Variants in SART3 observed in about 807,000 individuals in gnomAD.
SART3 encodes spliceosome associated factor 3, U4/U6 recycling protein, also known as HIV-1 Tat-interacting protein of 110kDa.
Under a neutral mutation model 122.3 loss-of-function variants are expected in SART3, and 44 were observed. The observed-to-expected ratio is 0.36, with a 90% CI of 0.28 to 0.46. The LOEUF is 0.46. Among genes scored for constraint, SART3 ranks in the 20% least tolerant of loss-of-function variants. The pLI is 1.00. For synonymous variants in SART3, 442 were observed against 454.0 expected, an observed-to-expected ratio of 0.97 and a Z score of 0.34; for missense variants, 1,101 against 1,229.0, an observed-to-expected ratio of 0.90 and a Z score of 1.56.
intron 5 of SART3, 28 bp downstream of exon 5, chr12:108,544,395 GGGCT>G (rs1228303614): frequency 6.3e-7 from 1 of 1,579,398 alleles, no homozygotes; most frequent in Non-Finnish European, 8.7e-7. Context: ...AAACCATAGA[GGGCT>G]GGCTGTTGAC....
At chr12:108,524,749 C>T in intron 17 of SART3, 1 of 580,464 alleles carries the variant, frequency 1.7e-6, no homozygotes, top group Non-Finnish European at 3.1e-6. Context: ...AAGTTCAGCA[C>T]ACCTTGTACG....
intron 1 of SART3, among the ~76,000 whole-genome samples, chr12:108,553,547 A>G (rs916518813): frequency 6.6e-6 from 1 of 152,200 alleles, no homozygotes; most frequent in Non-Finnish European, 1.5e-5. Context: ...CATTTTAGGA[A>G]TATTTCCCTC....
At chr12:108,555,152 T>C (rs2030163920) in intron 1 of SART3, among the ~76,000 whole-genome samples, 2 of 152,210 alleles carry the variant, frequency 1.3e-5, no homozygotes, top group African/African-American at 4.8e-5. Flanking sequence ...GTGACTATAC[T>C]TAACACTACT....
chr12:108,537,558 C>G lies in SART3; in HGVS notation c.1239G>C (p.Gln413His). The part of the protein sequence containing the change: ...FEKALNAGFI[Q>H]ATDYVEIWQA... ...GCCAAATCTCCACATAATCAGTGGC[C>G]TGGATGAAGCCGGCATTCAAAGCTT... The change falls in exon 9 of 19, where the codon CAG becomes CAC. Residue 413 changes from glutamine to histidine, a missense_variant. Transcript: ENST00000546815. 2 of 1,614,098 alleles carry G rather than the reference C, an allele frequency of 1.2e-6. No individual in the cohort carries two copies. Among genetic ancestry groups the G allele is most frequent in the Non-Finnish European group, 1.7e-6 (2 of 1,179,964 alleles).
Position 108,545,300 on chromosome 12 carries a change from C to G in SART3, c.568G>C (p.Gly190Arg), listed in dbSNP as rs1274831598. 1.2e-6 allele frequency: 2 copies of G among 1,614,034 alleles called. No individual in the cohort carries two copies. The highest frequency in any genetic ancestry group is 1.3e-5 in the African/African-American group (1 of 74,912). Residue 190 changes from glycine to arginine, a missense_variant, in exon 4 of 19, where the codon GGC becomes CGC. Gly to Arg is a moderately radical substitution (Grantham distance 125). Transcript: ENST00000546815. Reference protein sequence around the residue: ...YICPNIWLEYGQYSVGGIGQK... With the variant: ...YICPNIWLEYRQYSVGGIGQK... ...CCAATCCCACCAACTGAGTACTGGCCATACTCTAGCCAAATGTTAGGACCT... is the reference window on the plus strand; with the variant it reads ...CCAATCCCACCAACTGAGTACTGGCGATACTCTAGCCAAATGTTAGGACCT...
intron 6 of SART3, among the ~76,000 whole-genome samples, chr12:108,539,305 G>A: frequency 6.6e-6 from 1 of 152,158 alleles, no homozygotes; most frequent in East Asian, 1.9e-4. Context: ...CGCTACAAAG[G>A]CTCCATAAAC....
intron 6 of SART3, 35 bp downstream of exon 6, chr12:108,542,993 G>T: frequency 6.2e-7 from 1 of 1,613,880 alleles, no homozygotes. Context: ...AAGGTTTGTA[G>T]AGAGACGTTT....
intron 6 of SART3, among the ~76,000 whole-genome samples, chr12:108,539,886 T>C (rs1187053006): frequency 6.6e-6 from 1 of 152,152 alleles, no homozygotes; most frequent in Non-Finnish European, 1.5e-5. Flanking sequence ...CTAAATTAAA[T>C]ATAATATCTT....
In SART3 at chr12:108,539,003, C is replaced by T; in HGVS notation, c.993G>A (p.Leu331=). Residue 331 remains leucine, a synonymous_variant, in exon 7 of 19, where the codon TTG becomes TTA. Transcript: ENST00000546815. The part of the protein sequence containing the change: ...MKIGDPARIQ[L]IFERALVENC... ...TCTCGACCAGGGCGCGCTCAAAGAT[C>T]AACTGAATGCGAGCAGGATCGCCAA... is the stretch of plus-strand genomic sequence containing the variant. The T allele has an allele frequency of 6.2e-7, 1 of 1,614,208 alleles. No homozygotes were observed. Among genetic ancestry groups the T allele is most frequent in the East Asian group, 2.2e-5 (1 of 44,884 alleles).
At chr12:108,560,502 A>G in intron 1 of SART3, 1 of 398,466 alleles carries the variant, frequency 2.5e-6, no homozygotes, top group Non-Finnish European at 4.4e-6. Context: ...TGTGGTTAAG[A>G]GTGGGAGTTC....
At chr12:108,560,707 G>A (rs954603886) in intron 1 of SART3, 136 bp downstream of exon 1, 9 of 677,526 alleles carry the variant, frequency 1.3e-5, no homozygotes, top group Non-Finnish European at 2.2e-5. Flanking sequence ...AAATCCGACA[G>A]GAGCTACTGT....
chr12:108,531,255 A>C lies in SART3; in HGVS notation c.1695T>G (p.Ala565=), dbSNP rs1257197529. 6.2e-7 allele frequency: 1 copy of C among 1,613,826 alleles called. No individual in the cohort carries two copies. Among genetic ancestry groups the C allele is most frequent in the Non-Finnish European group, 8.5e-7 (1 of 1,179,880 alleles). ...TEGSLEDWDI[A]VQKTETRLAR... ...CTAATCGGGTTTCAGTTTTCTGAACAGCTATATCCCAATCTTCTAAAGAAC... is the reference window on the plus strand; with the variant it reads ...CTAATCGGGTTTCAGTTTTCTGAACCGCTATATCCCAATCTTCTAAAGAAC... Residue 565 remains alanine (A), a synonymous_variant, in exon 14 of 19, where the codon GCT becomes GCG. Coordinates refer to ENST00000546815, the MANE Select transcript of SART3 (RefSeq NM_014706.4).
Position 108,545,242 on chromosome 12 carries a change from A to G in SART3, c.626T>C (p.Val209Ala). Residue 209 changes from valine to alanine, a missense_variant, in exon 4 of 19, where the codon GTG (valine) becomes GCG (alanine). By Grantham distance (64) the Val-to-Ala change is moderately conservative. Transcript: ENST00000546815. ...QKGGLEKVRS[V>A]FERALSSVGL... ...AACAGACGAGAGAGCCCTTTCAAAC[A>G]CGGAGCGAACTTTCTCAAGGCCACC... 1.9e-6 allele frequency: 3 copies of G among 1,614,162 alleles called. No homozygotes were observed. Among genetic ancestry groups the G allele is most frequent in the Non-Finnish European group, 2.5e-6 (3 of 1,180,024 alleles).
At chr12:108,544,190 C>G (rs1873299098) in intron 5 of SART3, among the ~76,000 whole-genome samples, 1 of 152,200 alleles carries the variant, frequency 6.6e-6, no homozygotes, top group Admixed American at 6.5e-5. Context: ...GAGCTCTCAC[C>G]TGGGAGTCAG....
chr12:108,525,448 G>A lies in SART3; in HGVS notation c.2523+9C>T. 1.2e-6 allele frequency: 2 copies of A among 1,614,058 alleles called. No homozygotes were observed. Among genetic ancestry groups the A allele is most frequent in the African/African-American group, 1.3e-5 (1 of 75,054 alleles). ...TTGAAGACAAGGCACAATCTGCTCT[G>A]ACTCTGACCTTTGGTTTGCCAGCCC... On this transcript the variant is annotated intron_variant, in intron 17 of 18. Transcript: ENST00000546815.
intron 15 of SART3, among the ~76,000 whole-genome samples, chr12:108,529,329 C>T (rs917260872): frequency 1.7e-4 from 26 of 152,116 alleles, no homozygotes; most frequent in African/African-American, 6.0e-4. Flanking sequence ...TCCCTACCCT[C>T]GACCACTCAG....
chr12:108,558,079 G>A (rs1053145504), intron 1 of SART3, among the ~76,000 whole-genome samples: 17 of 152,234 alleles, frequency 1.1e-4, no homozygotes, highest in African/African-American at 4.1e-4. Context: ...TGAGCTGGGA[G>A]GATCACTTGA....
At chr12:108,530,020 G>A in intron 15 of SART3, 122 bp downstream of exon 15, 1 of 1,127,870 alleles carries the variant, frequency 8.9e-7, no homozygotes, top group African/African-American at 1.5e-5. Context: ...CACCCTAACA[G>A]TGATCAAAGG....
chr12:108,532,305 T>C lies in SART3; in HGVS notation c.1586A>G (p.Lys529Arg). 2.5e-6 allele frequency: 4 copies of C among 1,614,086 alleles called. No individual in the cohort carries two copies. The highest frequency in any genetic ancestry group is 3.4e-6 in the Non-Finnish European group (4 of 1,179,996). ...GCACTGGACGGCCCGGTGCAGAGCC[T>C]TCCGGCAGTGCTGGGTGTCACCATG... Reference protein sequence around the residue: ...RAHGDTQHCRKALHRAVQCTS... With the variant: ...RAHGDTQHCRRALHRAVQCTS... The change falls in exon 13 of 19, where the codon AAG becomes AGG. Residue 529 changes from lysine (K) to arginine (R), a missense_variant. By Grantham distance (26) the Lys-to-Arg change is conservative. Transcript: ENST00000546815.
Sources: gnomAD v4.1 joint callset for allele counts (sites outside exome capture counted in the v4.1 genomes callset) on GRCh38, gnomAD v4.1.1 for gene constraint, MANE v1.5 for transcripts, NCBI Gene and HGNC (gene_info 2026-07-23, HGNC 2026-07-21) for gene names.